The following ALDH1A2 variants were observed in gnomAD, a reference collection of about 807,000 sequenced individuals.
The protein encoded by ALDH1A2 is retinal dehydrogenase 2.
In ALDH1A2, 27 loss-of-function variants were observed where a neutral mutation model predicts 60.3. The ratio of observed to expected loss-of-function variants is 0.45; its 90% CI spans 0.33 to 0.62. ALDH1A2 has a LOEUF of 0.62. Ranked by LOEUF, ALDH1A2 falls within the 20% of genes least tolerant of loss-of-function variation. The pLI is 0.02. For synonymous variants in ALDH1A2, 289 were observed against 232.4 expected, an observed-to-expected ratio of 1.24 and a Z score of -2.21; for missense variants, 581 against 643.8, an observed-to-expected ratio of 0.90 and a Z score of 1.06.
At chr15:57,982,610 T>C (rs1044393920) in intron 7 of ALDH1A2, among the ~76,000 whole-genome samples, 1 of 152,154 alleles carries the variant, frequency 6.6e-6, no homozygotes, top group African/African-American at 2.4e-5. Context: ...TATGGGTTGG[T>C]CTTTGTTGAT....
intron 5 of ALDH1A2, among the ~76,000 whole-genome samples, chr15:57,993,410 TA>T (rs1455335813): frequency 6.6e-6 from 1 of 152,238 alleles, no homozygotes; most frequent in African/African-American, 2.4e-5. Flanking sequence ...AGTTCTCGTG[TA>T]TGAAAACTTT....
At chr15:58,060,608 CAG>C (rs144236920) in intron 1 of ALDH1A2, among the ~76,000 whole-genome samples, 3,408 of 151,640 alleles carry the variant, frequency 0.022, 135 homozygotes, top group African/African-American at 0.077. Context: ...TATTTTAACT[CAG>C]AGTCTCTCTT....
At chr15:58,056,809 AAC>A (rs200233706) in intron 1 of ALDH1A2, among the ~76,000 whole-genome samples, 2,144 of 152,232 alleles carry the variant, frequency 0.014, 26 homozygotes, top group African/African-American at 0.033. Context: ...AAATCAAGGA[AAC>A]ACAAATCAAA....
intron 12 of ALDH1A2, among the ~76,000 whole-genome samples, chr15:57,959,868 G>C (rs1893663979): frequency 6.6e-6 from 1 of 151,998 alleles, no homozygotes; most frequent in Non-Finnish European, 1.5e-5. Flanking sequence ...CTCTGCTCTA[G>C]TCTTGTTGGT....
rs576669886 is a variant in ALDH1A2, at chr15:58,005,109, T to C, written c.493+5540A>G. ...CTCTACTGTCTTTCATATCTGCTTA[T>C]ACTTTTAGATCCACTAACTCATGGT... On this transcript the variant is annotated intron_variant, in intron 4 of 12. Transcript: ENST00000249750. 5.3e-5 allele frequency among the ~76,000 whole-genome samples: 8 copies of C among 151,974 alleles called. No homozygotes were observed. In the East Asian group the frequency reaches 1.6e-3, roughly 29 times the overall value.
chr15:58,004,663 A>G (rs1375161488), intron 4 of ALDH1A2, among the ~76,000 whole-genome samples: 4 of 148,818 alleles, frequency 2.7e-5, no homozygotes, highest in Non-Finnish European at 5.9e-5. Flanking sequence ...ATGATTTCAT[A>G]ATTTTTATGG....
At chr15:58,010,165 A>G (rs1374506529) in intron 4 of ALDH1A2, among the ~76,000 whole-genome samples, 2 of 152,188 alleles carry the variant, frequency 1.3e-5, no homozygotes, top group African/African-American at 4.8e-5. Context: ...AAATATAGAA[A>G]GTAGAGAAAA....
At chr15:58,031,655 A>T (rs1595678722) in intron 1 of ALDH1A2, among the ~76,000 whole-genome samples, 1 of 152,176 alleles carries the variant, frequency 6.6e-6, no homozygotes, top group Admixed American at 6.5e-5. Context: ...AAAGAACTTA[A>T]ATTTACAAGA....
In ALDH1A2 at chr15:57,992,816, A is replaced by G; in HGVS notation, c.687T>C (p.Ala229=). 1 of 1,614,128 alleles carries G rather than the reference A, an allele frequency of 6.2e-7. No homozygotes were observed. The highest frequency in any genetic ancestry group is 2.2e-5 in the East Asian group (1 of 44,880). ...TATTGATGACCCCGGGAGGAAAGCC[A>G]GCCTAAGAAAACAGAACAGGAGGAA... The part of the protein sequence containing the change: ...ALYMGALIKE[A]GFPPGVINIL... The change falls in exon 7 of 13, where the codon GCT becomes GCC. Residue 229 remains alanine (A), a splice_region_variant and synonymous_variant. Transcript: ENST00000249750.
intron 1 of ALDH1A2, among the ~76,000 whole-genome samples, chr15:58,052,308 G>A (rs1477989270): frequency 1.3e-5 from 2 of 152,002 alleles, no homozygotes; most frequent in African/African-American, 4.8e-5. Context: ...CCAAGTTCTG[G>A]GCCCAGGAAA....
intron 11 of ALDH1A2, 93 bp downstream of exon 11, chr15:57,961,044 G>C: frequency 6.5e-7 from 1 of 1,543,392 alleles, no homozygotes; most frequent in East Asian, 2.2e-5. Flanking sequence ...GTTGCTTTTG[G>C]TATTCCCCAT....
intron 4 of ALDH1A2, among the ~76,000 whole-genome samples, chr15:58,007,835 G>A (rs1215534221): frequency 4.1e-5 from 6 of 148,104 alleles, no homozygotes; most frequent in Non-Finnish European, 8.9e-5. Flanking sequence ...ACAAAATGAA[G>A]CTGATGTTAA....
At chr15:57,978,102 T>G (rs1894332843) in intron 7 of ALDH1A2, among the ~76,000 whole-genome samples, 1 of 152,212 alleles carries the variant, frequency 6.6e-6, no homozygotes, top group South Asian at 2.1e-4. Context: ...GCTGAGACTA[T>G]GGGGTTTTCT....
chr15:58,027,329 A>T (rs543577357), intron 1 of ALDH1A2, among the ~76,000 whole-genome samples: 1 of 152,362 alleles, frequency 6.6e-6, no homozygotes, highest in South Asian at 2.1e-4. Flanking sequence ...ACTAACAAAC[A>T]GAAAGGAATA....
chr15:58,052,073 T>C (rs1244153041), intron 1 of ALDH1A2, among the ~76,000 whole-genome samples: 1 of 152,158 alleles, frequency 6.6e-6, no homozygotes, highest in Non-Finnish European at 1.5e-5. Context: ...CCTTAGCAAA[T>C]ATGAAACATT....
chr15:57,960,676 T>A (rs1298987713), intron 12 of ALDH1A2, 94 bp downstream of exon 12: 2 of 1,042,844 alleles, frequency 1.9e-6, no homozygotes, highest in Non-Finnish European at 3.0e-6. Flanking sequence ...AATGTATGGA[T>A]GAGTGTAAGA....
At chr15:58,028,558 C>A (rs144640929) in intron 1 of ALDH1A2, among the ~76,000 whole-genome samples, 274 of 152,248 alleles carry the variant, frequency 1.8e-3, no homozygotes, top group African/African-American at 6.0e-3. Context: ...ACAATATTAA[C>A]CTTAAATGTA....
At chr15:58,011,616 G>A (rs1237427375) in intron 3 of ALDH1A2, among the ~76,000 whole-genome samples, 15 of 152,062 alleles carry the variant, frequency 9.9e-5, no homozygotes, top group Non-Finnish European at 1.5e-5. Flanking sequence ...ACATACTGGT[G>A]TGAAAATTAT....
chr15:58,042,469 T>C (rs1473111945), intron 1 of ALDH1A2, among the ~76,000 whole-genome samples: 2 of 151,964 alleles, frequency 1.3e-5, no homozygotes, highest in East Asian at 3.9e-4. Flanking sequence ...TTCCTAAGTA[T>C]TGATATTACA....
Sources: allele counts gnomAD v4.1 joint callset (sites outside exome capture counted in the v4.1 genomes callset), GRCh38; gene constraint gnomAD v4.1.1; transcripts MANE v1.5; gene names NCBI Gene and HGNC (gene_info 2026-07-23, HGNC 2026-07-21).